Variants in ZHX2 observed in about 807,000 individuals in gnomAD.
ZHX2 encodes zinc fingers and homeoboxes protein 2.
In ZHX2, 6 loss-of-function variants were observed where a neutral mutation model predicts 21.9. The ratio of observed to expected loss-of-function variants is 0.27; its 90% CI spans 0.15 to 0.54. The LOEUF (loss-of-function observed/expected upper bound fraction) is 0.54, where lower values mean the gene tolerates loss of function less well. Among genes scored for constraint, ZHX2 ranks in the 20% least tolerant of loss-of-function variants. The probability of loss-of-function intolerance (pLI) is 0.95; values close to 1 mark genes in which losing one functional copy is unlikely to be tolerated. For synonymous variants in ZHX2, 434 were observed against 437.1 expected (o/e 0.99, Z 0.09); for missense variants, 908 against 1,090.7 (o/e 0.83, Z 2.36).
At chr8:122,947,092 C>CA (rs57090731) in intron 2 of ZHX2, among the ~76,000 whole-genome samples, 4,020 of 66,412 alleles carry the variant, frequency 0.061, 190 homozygotes, top group African/African-American at 0.12. Context: ...CCTGTCTTTG[C>CA]AAAAAAAAAA....
In ZHX2 at chr8:122,953,203, G is replaced by C; in HGVS notation, c.1693G>C (p.Glu565Gln). 6.2e-7 allele frequency: 1 copy of C among 1,613,854 alleles called. No homozygotes were observed. Among genetic ancestry groups the C allele is most frequent in the Non-Finnish European group, 8.5e-7 (1 of 1,179,994 alleles). Residue 565 changes from glutamate to glutamine, a missense_variant, in exon 3 of 4, where the codon GAG becomes CAG. This residue lies in a region of ZHX2 where 431 missense variants were observed against 428.6 expected (regional missense o/e 1.01). Coordinates refer to ENST00000314393, the MANE Select transcript of ZHX2 (RefSeq NM_014943.5). The surrounding 1 kb of genome is among the most constrained non-coding windows in gnomAD (Gnocchi z 4.6). ...TQAELDRLRV[E>Q]TKLSRREIDS... Reference sequence around the variant, plus strand: ...AGCAGAACTGGATCGGCTAAGGGTGGAGACCAAGCTGAGCAGGAGAGAGAT... The same window carrying C: ...AGCAGAACTGGATCGGCTAAGGGTGCAGACCAAGCTGAGCAGGAGAGAGAT...
rs1341864830 is a variant in ZHX2, at chr8:122,828,822, C to T, written c.-282-34655C>T. Reference sequence around the variant, plus strand: ...ATAAATGAAGTACAACCGGTTTGGGCTCTACCCAGGGTGTTGTAGGTTTTT... The same window carrying T: ...ATAAATGAAGTACAACCGGTTTGGGTTCTACCCAGGGTGTTGTAGGTTTTT... On this transcript the variant is annotated intron_variant, in intron 1 of 3. Coordinates refer to ENST00000314393, the MANE Select transcript of ZHX2 (RefSeq NM_014943.5). This position sits in a 1 kb window ranked among gnomAD's most constrained non-coding sequence, Gnocchi z 5.2. Among the ~76,000 whole-genome samples the T allele has an allele frequency of 3.9e-5, 6 of 152,192 alleles. No homozygotes were observed. Among genetic ancestry groups the T allele is most frequent in the Non-Finnish European group, 5.9e-5 (4 of 68,044 alleles).
At chr8:122,951,081 T>C (rs945743630) in intron 2 of ZHX2, among the ~76,000 whole-genome samples, 3 of 152,162 alleles carry the variant, frequency 2.0e-5, no homozygotes, top group Non-Finnish European at 2.9e-5. Flanking sequence ...CATGTTTGTT[T>C]GGTTTGGGCC....
At chr8:122,932,047 A>C (rs889876363) in intron 2 of ZHX2, among the ~76,000 whole-genome samples, 6 of 152,202 alleles carry the variant, frequency 3.9e-5, no homozygotes, top group African/African-American at 1.4e-4. Context: ...TAACTGTGGC[A>C]ATTTTGTGGA....
intron 1 of ZHX2, among the ~76,000 whole-genome samples, chr8:122,786,338 G>A (rs1044821718): frequency 6.6e-6 from 1 of 152,176 alleles, no homozygotes; most frequent in Non-Finnish European, 1.5e-5. Flanking sequence ...GATGATATCA[G>A]AGCATGTCAG....
chr8:122,919,978 GA>G (rs1820699091), intron 2 of ZHX2, among the ~76,000 whole-genome samples: 1 of 152,114 alleles, frequency 6.6e-6, no homozygotes, highest in Non-Finnish European at 1.5e-5. Flanking sequence ...TGTTTTTACA[GA>G]AATTTGAATT....
In ZHX2 at chr8:122,954,041, G is replaced by A. The variant is rs761254071; in HGVS notation, c.*4+13G>A. The A allele has an allele frequency of 2.6e-6, 4 of 1,559,692 alleles. No individual in the cohort carries two copies. Among genetic ancestry groups the A allele is most frequent in the Non-Finnish European group, 3.5e-6 (4 of 1,151,906 alleles). On this transcript the variant is annotated intron_variant, in intron 3 of 3. Transcript: ENST00000314393. ...CAGGCCTAGACAGGTAATTCCACCT[G>A]CTCACCCAGGCAGCAGGGGAGAACG...
At chr8:122,851,006 G>T (rs1251389294) in intron 1 of ZHX2, among the ~76,000 whole-genome samples, 1 of 152,048 alleles carries the variant, frequency 6.6e-6, no homozygotes, top group East Asian at 1.9e-4. Flanking sequence ...TCTCAGCCTA[G>T]AACACTCTTT....
At chr8:122,924,633 G>A (rs992988184) in intron 2 of ZHX2, among the ~76,000 whole-genome samples, 1 of 152,088 alleles carries the variant, frequency 6.6e-6, no homozygotes, top group African/African-American at 2.4e-5. Flanking sequence ...TCAGAGCAAG[G>A]GGTCTTCTAG....
intron 1 of ZHX2, among the ~76,000 whole-genome samples, chr8:122,824,404 T>C (rs79962891): frequency 0.076 from 11,527 of 152,226 alleles, 488 homozygotes; most frequent in South Asian, 0.16. Flanking sequence ...CATGGAGAGA[T>C]ATTGTCCAAT....
At chr8:122,906,637 C>T (rs1013992141) in intron 2 of ZHX2, among the ~76,000 whole-genome samples, 30 of 142,550 alleles carry the variant, frequency 2.1e-4, no homozygotes, top group Non-Finnish European at 3.8e-4. Context: ...GATACTTTTA[C>T]TTTAAACACT....
chr8:122,938,987 T>C lies in ZHX2; in HGVS notation c.-219-12305T>C, dbSNP rs930242558. Among the ~76,000 whole-genome samples the C allele has an allele frequency of 3.3e-5, 5 of 152,182 alleles. No individual in the cohort carries two copies. The East Asian group carries it at 9.6e-4, about 29-fold the overall frequency. ...TGTCAACAGAGCTGGGAGGGCAGAATCCACAGAGGTGAGGGGTGAAGCATG... is the reference window on the plus strand; with the variant it reads ...TGTCAACAGAGCTGGGAGGGCAGAACCCACAGAGGTGAGGGGTGAAGCATG... On this transcript the variant is annotated intron_variant, in intron 2 of 3. Transcript: ENST00000314393.
intron 1 of ZHX2, among the ~76,000 whole-genome samples, chr8:122,800,841 G>A (rs1178406583): frequency 6.6e-6 from 1 of 152,242 alleles, no homozygotes; most frequent in Non-Finnish European, 1.5e-5. Context: ...CCATGTGGGG[G>A]AGCTTGCCTG....
chr8:122,810,415 G>A (rs543197908), intron 1 of ZHX2: 2 of 152,194 alleles, frequency 1.3e-5, no homozygotes, highest in Non-Finnish European at 2.9e-5. Context: ...CAGAGATAAC[G>A]TGAAGCTGGG....
intron 1 of ZHX2, among the ~76,000 whole-genome samples, chr8:122,789,251 C>T (rs1265369389): frequency 6.6e-6 from 1 of 152,178 alleles, no homozygotes; most frequent in African/African-American, 2.4e-5. Flanking sequence ...CTATGGCTCT[C>T]CCCAGCTGCA....
At chr8:122,864,585 C>T (rs1282476980) in intron 2 of ZHX2, among the ~76,000 whole-genome samples, 4 of 152,004 alleles carry the variant, frequency 2.6e-5, no homozygotes, top group Non-Finnish European at 5.9e-5. Context: ...AAGATCCAGA[C>T]CACATAGACA....
intron 1 of ZHX2, among the ~76,000 whole-genome samples, chr8:122,816,713 C>A (rs543261104): frequency 8.6e-5 from 13 of 150,564 alleles, no homozygotes; most frequent in Non-Finnish European, 1.5e-4. Context: ...AATATTAGCT[C>A]AGTCATTTTC....
At chr8:122,804,271 GCT>G (rs1817781265) in intron 1 of ZHX2, among the ~76,000 whole-genome samples, 15 of 152,100 alleles carry the variant, frequency 9.9e-5, no homozygotes, top group Admixed American at 9.8e-4. Context: ...ACTGTGCCTG[GCT>G]AATTTTTGTA....
chr8:122,874,104 A>G (rs1819509690), intron 2 of ZHX2, among the ~76,000 whole-genome samples: 1 of 152,170 alleles, frequency 6.6e-6, no homozygotes, highest in African/African-American at 2.4e-5. Flanking sequence ...GAAGGGGGAA[A>G]GAGTAGACAA....
Sources: allele counts gnomAD v4.1 joint callset (sites outside exome capture counted in the v4.1 genomes callset), GRCh38; gene constraint gnomAD v4.1.1; regional missense constraint gnomAD v4.1.1; non-coding constraint Gnocchi (gnomAD v3.1); transcripts MANE v1.5; gene names NCBI Gene and HGNC (gene_info 2026-07-23, HGNC 2026-07-21).